USP12: variants seen among roughly 807,000 people sequenced by gnomAD.
USP12 encodes the protein ubiquitin carboxyl-terminal hydrolase 12.
In USP12, 19 loss-of-function variants were observed where a neutral mutation model predicts 45.5. The ratio of observed to expected loss-of-function variants is 0.42; its 90% CI spans 0.29 to 0.61. The LOEUF is 0.61. Among genes scored for constraint, USP12 ranks in the 20% least tolerant of loss-of-function variants. The pLI is 0.22. For missense variants in USP12, 242 were observed against 447.7 expected (o/e 0.54, Z 4.15); for synonymous variants, 149 against 148.8 (o/e 1.00, Z -0.01).
chr13:27,142,944 T>C (rs1877131839), intron 1 of USP12, among the ~76,000 whole-genome samples: 1 of 151,832 alleles, frequency 6.6e-6, no homozygotes, highest in South Asian at 2.1e-4. Context: ...AACACAAAAA[T>C]TAACTGGGCG....
intron 2 of USP12, among the ~76,000 whole-genome samples, chr13:27,106,719 A>G (rs1045133051): frequency 7.2e-5 from 11 of 152,148 alleles, no homozygotes; most frequent in South Asian, 2.1e-4. Flanking sequence ...TTTTAAAAAA[A>G]TGAGGAAGGA....
intron 3 of USP12, among the ~76,000 whole-genome samples, chr13:27,105,001 T>C (rs1261582164): frequency 1.3e-5 from 2 of 152,200 alleles, no homozygotes; most frequent in Non-Finnish European, 1.5e-5. Context: ...ACACTGGGCT[T>C]ACATATCAGG....
chr13:27,075,066 A>C (rs1334676540), intron 7 of USP12, 125 bp downstream of exon 7: 3 of 833,194 alleles, frequency 3.6e-6, no homozygotes, highest in African/African-American at 3.5e-5. Flanking sequence ...TTTTGAAATA[A>C]AATTATCTTG....
In USP12 at chr13:27,095,716, A is replaced by G. The variant is rs200229060; in HGVS notation, c.458T>C (p.Leu153Ser). 41 of 1,613,232 alleles carry G rather than the reference A, an allele frequency of 2.5e-5. No homozygotes were observed. Among genetic ancestry groups the G allele is most frequent in the Non-Finnish European group, 3.5e-5 (41 of 1,179,596 alleles). Residue 153 changes from leucine (L) to serine (S), a missense_variant, in exon 4 of 9, where the codon TTA (leucine) becomes TCA (serine). Transcript: ENST00000282344. ...TTCATTATCAATATTACCATTAGGT[A>G]AACGACCATTTTGTTTTTCCTGCTT... ...ERKQEKQNGRLPNGNIDNENN... is the reference protein window; with the variant it reads ...ERKQEKQNGRSPNGNIDNENN...
chr13:27,082,699 T>C (rs1565983342), intron 6 of USP12, among the ~76,000 whole-genome samples: 1 of 152,230 alleles, frequency 6.6e-6, no homozygotes. Context: ...CTTGAACCCT[T>C]AGAAGCCATT....
At chr13:27,144,340 A>T (rs543993094) in intron 1 of USP12, among the ~76,000 whole-genome samples, 2 of 152,176 alleles carry the variant, frequency 1.3e-5, no homozygotes, top group East Asian at 3.9e-4. Flanking sequence ...ACAGAAAAAT[A>T]AAGTATTAGC....
chr13:27,121,917 A>C (rs1239790743), intron 1 of USP12, among the ~76,000 whole-genome samples: 1 of 152,200 alleles, frequency 6.6e-6, no homozygotes, highest in Non-Finnish European at 1.5e-5. Context: ...CAAATGTCTC[A>C]TATGTGTCAA....
chr13:27,147,146 C>A (rs1877343043), intron 1 of USP12, among the ~76,000 whole-genome samples: 1 of 152,188 alleles, frequency 6.6e-6, no homozygotes, highest in Admixed American at 6.5e-5. Context: ...TTTACGGTAT[C>A]TGTTAGGAAA....
At chr13:27,106,952 A>C (rs1360333154) in intron 2 of USP12, among the ~76,000 whole-genome samples, 3 of 152,220 alleles carry the variant, frequency 2.0e-5, no homozygotes, top group Admixed American at 2.0e-4. Context: ...TAATTATTTC[A>C]GGTGACTTAA....
At chr13:27,101,961 T>A (rs772416327) in intron 3 of USP12, among the ~76,000 whole-genome samples, 2 of 152,170 alleles carry the variant, frequency 1.3e-5, no homozygotes, top group Non-Finnish European at 2.9e-5. Flanking sequence ...ATCTCATCCC[T>A]AGGACTGACA....
chr13:27,133,485 G>A (rs574446766), intron 1 of USP12, among the ~76,000 whole-genome samples: 192 of 152,208 alleles, frequency 1.3e-3, no homozygotes, highest in African/African-American at 4.3e-3. Flanking sequence ...AAAATTAGCC[G>A]GGTGTGGTGG....
At chr13:27,158,467 A>G (rs77675536) in intron 1 of USP12, among the ~76,000 whole-genome samples, 6,489 of 152,298 alleles carry the variant, frequency 0.043, 169 homozygotes, top group Admixed American at 0.076. Context: ...TTGACTGTTA[A>G]GCAATTTCAT....
At chr13:27,165,972 G>C (rs943978523) in intron 1 of USP12, among the ~76,000 whole-genome samples, 1 of 151,978 alleles carries the variant, frequency 6.6e-6, no homozygotes, top group African/African-American at 2.4e-5. Context: ...TGATGAAAAT[G>C]ATACCAATAA....
At chr13:27,115,361 AG>A (rs1319778837) in intron 2 of USP12, among the ~76,000 whole-genome samples, 7 of 152,198 alleles carry the variant, frequency 4.6e-5, no homozygotes, top group African/African-American at 1.7e-4. Context: ...TCTTTGTTAT[AG>A]GTTTTATGCA....
chr13:27,138,526 T>C (rs943931785), intron 1 of USP12, among the ~76,000 whole-genome samples: 2 of 152,160 alleles, frequency 1.3e-5, no homozygotes, highest in African/African-American at 4.8e-5. Flanking sequence ...CAGACTTTCT[T>C]AGGAAACCTG....
chr13:27,103,773 CAGAG>C (rs1480930195), intron 3 of USP12, among the ~76,000 whole-genome samples: 3 of 139,392 alleles, frequency 2.2e-5, no homozygotes, highest in South Asian at 2.2e-4. Context: ...GAGAGAGAGA[CAGAG>C]AGAGAAAGAG....
rs967768929 is a variant in USP12, at chr13:27,148,155, A to C, written c.48+23437T>G. On this transcript the variant is annotated intron_variant, in intron 1 of 8. Transcript: ENST00000282344. Reference sequence around the variant, plus strand: ...AAAAAAAAAAGACTTTTCTAAAACGAAAACCTAACAGAAGTTGTTCCTATG... The same window carrying C: ...AAAAAAAAAAGACTTTTCTAAAACGCAAACCTAACAGAAGTTGTTCCTATG... 6.6e-5 allele frequency among the ~76,000 whole-genome samples: 10 copies of C among 152,038 alleles called. No individual in the cohort carries two copies. The South Asian group carries it at 1.7e-3, about 25-fold the overall frequency.
intron 1 of USP12, 31 bp downstream of exon 1, chr13:27,171,561 C>T: frequency 2.4e-6 from 3 of 1,233,526 alleles, no homozygotes; most frequent in Non-Finnish European, 2.1e-6. Flanking sequence ...GAGGTCCCGG[C>T]AGCCCCGGCC....
At chr13:27,164,271 A>G (rs1322837171) in intron 1 of USP12, among the ~76,000 whole-genome samples, 1 of 152,230 alleles carries the variant, frequency 6.6e-6, no homozygotes, top group Non-Finnish European at 1.5e-5. Context: ...TTCAGTTAAG[A>G]ACATCTGTCC....
Sources: allele counts gnomAD v4.1 joint callset (sites outside exome capture counted in the v4.1 genomes callset), GRCh38; gene constraint gnomAD v4.1.1; transcripts MANE v1.5; gene names NCBI Gene and HGNC (gene_info 2026-07-23, HGNC 2026-07-21).